Variants in ARMC8 observed in about 807,000 individuals in gnomAD.
The protein encoded by ARMC8 is armadillo repeat-containing protein 8.
ARMC8 carries 20 observed loss-of-function variants against 99.3 expected under a neutral mutation model. That is an observed-to-expected ratio of 0.20 (90% CI 0.14 to 0.29). The LOEUF (loss-of-function observed/expected upper bound fraction) is 0.29, where lower values mean the gene tolerates loss of function less well. Ranked by LOEUF, ARMC8 falls within the 10% of genes least tolerant of loss-of-function variation. The pLI is 1.00. For missense variants in ARMC8, 569 were observed against 809.5 expected, an observed-to-expected ratio of 0.70 and a Z score of 3.60; for synonymous variants, 263 against 278.3, an observed-to-expected ratio of 0.95 and a Z score of 0.55.
chr3:138,193,017 G>A (rs2043480989), intron 1 of ARMC8, among the ~76,000 whole-genome samples: 2 of 152,108 alleles, frequency 1.3e-5, no homozygotes, highest in Non-Finnish European at 2.9e-5. Context: ...TGGCAAGGCT[G>A]GAGTGCAATG....
chr3:138,259,587 T>TA (rs2047570013), intron 12 of ARMC8, among the ~76,000 whole-genome samples: 1 of 152,230 alleles, frequency 6.6e-6, no homozygotes, highest in Admixed American at 6.5e-5. Flanking sequence ...GCAGGGTTAC[T>TA]GAATTATCTC....
chr3:138,201,901 A>C (rs2044108121), intron 1 of ARMC8, among the ~76,000 whole-genome samples: 1 of 152,194 alleles, frequency 6.6e-6, no homozygotes, highest in African/African-American at 2.4e-5. Context: ...TTATGATTAC[A>C]CTAAATCACT....
chr3:138,278,271 C>T (rs2049504405), intron 18 of ARMC8, among the ~76,000 whole-genome samples: 1 of 152,102 alleles, frequency 6.6e-6, no homozygotes, highest in Non-Finnish European at 1.5e-5. Context: ...CTTTGGGAGG[C>T]TGAGGCAGGC....
chr3:138,283,938 G>A (rs1560046549), intron 18 of ARMC8, among the ~76,000 whole-genome samples: 2 of 152,128 alleles, frequency 1.3e-5, no homozygotes, highest in African/African-American at 4.8e-5. Flanking sequence ...CAGGGTCTAG[G>A]CCTTCACCCA....
intron 12 of ARMC8, 169 bp from the exon 13 acceptor site, chr3:138,263,570 C>A: frequency 1.5e-6 from 1 of 650,448 alleles, no homozygotes. Flanking sequence ...CTAGACCTAC[C>A]TTTCTGATGA....
At chr3:138,261,947 T>G (rs2047787283) in intron 12 of ARMC8, 1 of 152,108 alleles carries the variant, frequency 6.6e-6, no homozygotes, top group South Asian at 2.1e-4. Flanking sequence ...GAATTTGAAG[T>G]AAGAGGTAGC....
intron 1 of ARMC8, among the ~76,000 whole-genome samples, chr3:138,208,895 A>G (rs2044541163): frequency 6.6e-6 from 1 of 152,168 alleles, no homozygotes; most frequent in Non-Finnish European, 1.5e-5. Flanking sequence ...TTCCCTTTGT[A>G]CTCTTTCTAA....
intron 14 of ARMC8, among the ~76,000 whole-genome samples, chr3:138,265,871 T>C (rs1465535971): frequency 6.6e-6 from 1 of 152,096 alleles, no homozygotes; most frequent in Non-Finnish European, 1.5e-5. Context: ...ATGATTTATG[T>C]GTTGAGGTCC....
At chr3:138,279,327 A>G (rs2049640792) in intron 18 of ARMC8, among the ~76,000 whole-genome samples, 1 of 151,848 alleles carries the variant, frequency 6.6e-6, no homozygotes, top group Non-Finnish European at 1.5e-5. Flanking sequence ...TTTTTTTAAA[A>G]CTCTGATTTA....
intron 17 of ARMC8, 137 bp downstream of exon 17, chr3:138,273,253 G>A: frequency 5.2e-6 from 5 of 962,558 alleles, no homozygotes; most frequent in Non-Finnish European, 7.6e-6. Flanking sequence ...GAAACAAGGA[G>A]TTGATGTCTA....
chr3:138,205,737 A>G (rs1352432294), intron 1 of ARMC8, among the ~76,000 whole-genome samples: 4 of 152,294 alleles, frequency 2.6e-5, no homozygotes, highest in Non-Finnish European at 5.9e-5. Context: ...CAGGAATTTG[A>G]TATCAGCCTG....
intron 19 of ARMC8, among the ~76,000 whole-genome samples, chr3:138,287,061 A>AT (rs1345452102): frequency 2.6e-4 from 40 of 152,206 alleles, no homozygotes; most frequent in African/African-American, 9.4e-4. Context: ...ACAGCACCTT[A>AT]TGCCTGATTA....
chr3:138,195,190 A>G (rs2043646332), intron 1 of ARMC8, among the ~76,000 whole-genome samples: 1 of 150,984 alleles, frequency 6.6e-6, no homozygotes, highest in East Asian at 2.0e-4. Flanking sequence ...AGGCAGGAGA[A>G]TGGCGTGAAC....
chr3:138,190,589 G>A (rs1488200170), intron 1 of ARMC8, among the ~76,000 whole-genome samples: 2 of 152,000 alleles, frequency 1.3e-5, no homozygotes, highest in East Asian at 1.9e-4. Flanking sequence ...GCACCCGGCC[G>A]AGATTCTTTA....
At chr3:138,253,956 C>G (rs1559994346) in intron 12 of ARMC8, among the ~76,000 whole-genome samples, 2 of 152,180 alleles carry the variant, frequency 1.3e-5, no homozygotes. Context: ...AAAAGTCCCT[C>G]TCTTATAAAG....
At chr3:138,237,423 T>C (rs1198313082) in intron 8 of ARMC8, 39 bp downstream of exon 8, 1 of 1,611,092 alleles carries the variant, frequency 6.2e-7, no homozygotes, top group African/African-American at 1.3e-5. Context: ...ATGATTTAAT[T>C]GATGAACTTT....
chr3:138,201,073 C>T (rs543855968), intron 1 of ARMC8, among the ~76,000 whole-genome samples: 3 of 151,760 alleles, frequency 2.0e-5, no homozygotes, highest in Admixed American at 6.6e-5. Flanking sequence ...CCACCATGCC[C>T]GACTAATTTT....
rs147223536 is a variant in ARMC8 at position 138,188,058 on chromosome 3, T to C, written c.45+459T>C. The C allele has an allele frequency of 3.9e-3, 867 of 223,150 alleles. 5 individuals are homozygous for C. Among genetic ancestry groups the C allele is most frequent in the African/African-American group, 0.018 (798 of 43,886 alleles). 13.8% of individuals were successfully genotyped at this position (223,150 alleles called of 1,614,324 possible). The stretch of plus-strand genomic sequence containing the variant: ...AGAGGTGCAGGCTCCTTGGCCCCCA[T>C]TTCCTCAGAGCTGCCAGGCCAAGTC... On this transcript the variant is annotated intron_variant, in intron 1 of 21. Transcript: ENST00000469044.
In ARMC8 at chr3:138,208,454, G is replaced by A. The variant is rs145675268; in HGVS notation, c.46-1363G>A. ...TGGACTCTAGCCTGGGCAACAGAGC[G>A]AGACTTCGTCTCAGGGGAGGGGGGA... On this transcript the variant is annotated intron_variant, in intron 1 of 21. Transcript: ENST00000469044. Among the ~76,000 whole-genome samples the A allele has an allele frequency of 4.9e-4, 74 of 152,338 alleles. 1 individual carries two copies. The East Asian group carries it at 0.013, about 27-fold the overall frequency.
Sources: gnomAD v4.1 joint callset for allele counts (sites outside exome capture counted in the v4.1 genomes callset) on GRCh38, gnomAD v4.1.1 for gene constraint, MANE v1.5 for transcripts, NCBI Gene and HGNC (gene_info 2026-07-23, HGNC 2026-07-21) for gene names.